The following RSPH14 variants were observed in gnomAD, a reference collection of about 807,000 sequenced individuals.
RSPH14 encodes rhabdoid tumor deletion region gene 1.
Under a neutral mutation model 26.7 loss-of-function variants are expected in RSPH14, and 20 were observed. The observed-to-expected ratio is 0.75, with a 90% CI of 0.53 to 1.09. The LOEUF is 1.09. RSPH14 is among the 50% of genes least tolerant of loss of function. The pLI, the probability that RSPH14 is intolerant of heterozygous loss-of-function variation, is 0.00. For missense variants in RSPH14, 449 were observed against 457.2 expected (o/e 0.98, Z 0.16); for synonymous variants, 177 against 189.3 (o/e 0.93, Z 0.53).
chr22:23,072,151 AG>A (rs1232010318), intron 4 of RSPH14, among the ~76,000 whole-genome samples: 1 of 152,194 alleles, frequency 6.6e-6, no homozygotes, highest in Non-Finnish European at 1.5e-5. Flanking sequence ...GGGCACAGCC[AG>A]GGCACTGGGT....
intron 4 of RSPH14, among the ~76,000 whole-genome samples, chr22:23,103,148 CTGGCTCACAA>C (rs959518005): frequency 1.3e-5 from 2 of 152,232 alleles, no homozygotes; most frequent in Non-Finnish European, 2.9e-5. Flanking sequence ...CTGGCTCATA[CTGGCTCACAA>C]GAGCTAATTT....
At chr22:23,154,551 G>T in the RSPH14 span, among the ~76,000 whole-genome samples, 4 of 152,198 alleles carry the variant, frequency 2.6e-5, no homozygotes, top group Non-Finnish European at 5.9e-5. Flanking sequence ...GGCCAGTGGG[G>T]GTAGCTGAGG....
At chr22:23,136,395 G>A (rs866850616) in intron 3 of RSPH14, 1 of 531,888 alleles carries the variant, frequency 1.9e-6, no homozygotes, top group Non-Finnish European at 3.5e-6. Flanking sequence ...GATGGGCTCT[G>A]AAAGCTATTG....
the RSPH14 span, among the ~76,000 whole-genome samples, chr22:23,168,181 C>T: frequency 6.6e-6 from 1 of 152,196 alleles, no homozygotes; most frequent in African/African-American, 2.4e-5. Context: ...GCCAGCCCGA[C>T]CCCATTTTCA....
At chr22:23,082,846 G>A (rs970772409) in intron 4 of RSPH14, among the ~76,000 whole-genome samples, 5 of 152,218 alleles carry the variant, frequency 3.3e-5, no homozygotes, top group African/African-American at 7.2e-5. Context: ...GTTTCACAGA[G>A]CTGAGGCTAG....
intron 4 of RSPH14, among the ~76,000 whole-genome samples, chr22:23,083,495 C>T (rs2068733539): frequency 6.6e-6 from 1 of 152,186 alleles, no homozygotes; most frequent in Admixed American, 6.5e-5. Context: ...TTTGGTGTTC[C>T]TCCATCTATC....
In RSPH14 at chr22:23,061,536, G is replaced by A. The variant is rs139593220; in HGVS notation, c.790+273C>T. Among the ~76,000 whole-genome samples the A allele has an allele frequency of 4.0e-3, 603 of 152,270 alleles. 6 individuals are homozygous for A. Among genetic ancestry groups the A allele is most frequent in the African/African-American group, 0.014 (571 of 41,554 alleles). On this transcript the variant is annotated intron_variant, in intron 6 of 6. Transcript: ENST00000216036. The stretch of plus-strand genomic sequence containing the variant: ...CTCACAAGGGGCCTGGGTGGGAGGC[G>A]GGAATTCCAGGCCCAGGGAACAGAC...
chr22:23,063,648 A>T (rs968328024), intron 5 of RSPH14, among the ~76,000 whole-genome samples: 44 of 152,238 alleles, frequency 2.9e-4, no homozygotes, highest in African/African-American at 1.0e-3. Flanking sequence ...GGCCTTCCTC[A>T]TGGGGAGGGG....
upstream of RSPH14, chr22:23,146,733 T>C (rs764625476): frequency 3.1e-6 from 5 of 1,603,970 alleles, no homozygotes; most frequent in South Asian, 5.5e-5. Flanking sequence ...TGCAGCCACA[T>C]CAGCTCTCCC....
the RSPH14 span, among the ~76,000 whole-genome samples, chr22:23,175,140 C>T: frequency 4.6e-5 from 7 of 151,252 alleles, no homozygotes; most frequent in South Asian, 6.3e-4. Context: ...GGACTACAGA[C>T]GCCCACCACC....
chr22:23,161,009 G>A, the RSPH14 span: 2 of 1,594,488 alleles, frequency 1.3e-6, no homozygotes, highest in Middle Eastern at 1.7e-4. Context: ...GTGAGTATAG[G>A]TGTGACTGGG....
intron 4 of RSPH14, among the ~76,000 whole-genome samples, chr22:23,082,056 C>T (rs113780897): frequency 0.085 from 11,556 of 136,048 alleles, 1,549 homozygotes; most frequent in African/African-American, 0.29. Flanking sequence ...ACCCAGGACG[C>T]GGAGCTTGCA....
intron 4 of RSPH14, chr22:23,131,614 G>A (rs2070360998): frequency 7.7e-7 from 1 of 1,303,944 alleles, no homozygotes; most frequent in Non-Finnish European, 1.0e-6. Context: ...GTTGAGAGCA[G>A]CAAGTCCCCT....
At chr22:23,178,267 C>A in the RSPH14 span, among the ~76,000 whole-genome samples, 1 of 152,106 alleles carries the variant, frequency 6.6e-6, no homozygotes, top group African/African-American at 2.4e-5. Flanking sequence ...ATACAAAAAA[C>A]TAGCTGGGCG....
chr22:23,125,144 C>G (rs544901168), intron 4 of RSPH14: 2 of 152,300 alleles, frequency 1.3e-5, no homozygotes, highest in East Asian at 3.9e-4. Context: ...ATTCCAAACC[C>G]CACCCCTATA....
At chr22:23,116,764 C>T (rs1197974893) in intron 4 of RSPH14, among the ~76,000 whole-genome samples, 1 of 152,178 alleles carries the variant, frequency 6.6e-6, no homozygotes, top group Non-Finnish European at 1.5e-5. Flanking sequence ...AGCTGGAAAG[C>T]CGTGAGTGCC....
At chr22:23,082,210 TTTTG>T (rs1365366171) in intron 4 of RSPH14, among the ~76,000 whole-genome samples, 1 of 151,968 alleles carries the variant, frequency 6.6e-6, no homozygotes, top group East Asian at 1.9e-4. Flanking sequence ...CGTTGTGTTT[TTTTG>T]TTTTTGTTTG....
At chr22:23,063,598 C>T (rs188081665) in intron 5 of RSPH14, among the ~76,000 whole-genome samples, 6 of 152,320 alleles carry the variant, frequency 3.9e-5, no homozygotes, top group East Asian at 3.9e-4. Context: ...ACTCAGTGAC[C>T]GCTGGGTGTC....
rs1452677603 is a variant in RSPH14 at position 23,095,572 on chromosome 22, C to A, written c.422-31439G>T. 3.7e-6 allele frequency: 4 copies of A among 1,081,608 alleles called. No individual in the cohort carries two copies. The African/African-American group carries it at 4.8e-5, about 13-fold the overall frequency. 67.0% of individuals were successfully genotyped at this position (1,081,608 alleles called of 1,614,324 possible). On this transcript the variant is annotated intron_variant, in intron 4 of 6. Transcript: ENST00000216036. ...CTGCAGTGTGGCTCGGCCTCACCCC[C>A]CTGCTGGCACTGAGTGCCTCCAGGG...
Sources: allele counts gnomAD v4.1 joint callset (sites outside exome capture counted in the v4.1 genomes callset), GRCh38; gene constraint gnomAD v4.1.1; transcripts MANE v1.5; gene names NCBI Gene and HGNC (gene_info 2026-07-23, HGNC 2026-07-21).